The following MAOA variants were observed in gnomAD, a reference collection of about 807,000 sequenced individuals.
MAOA encodes the protein amine oxidase [flavin-containing] A.
A neutral mutation model predicts 42.0 loss-of-function variants in MAOA; 6 were observed. That is an observed-to-expected ratio of 0.14 (90% confidence interval 0.08 to 0.28). The LOEUF (loss-of-function observed/expected upper bound fraction) is 0.28, where lower values mean the gene tolerates loss of function less well. MAOA is among the 10% of genes least tolerant of loss of function. The probability of loss-of-function intolerance (pLI) is 1.00; values close to 1 mark genes in which losing one functional copy is unlikely to be tolerated. For missense variants in MAOA, 262 were observed against 422.3 expected (o/e 0.62, Z 3.33); for synonymous variants, 140 against 154.0 (o/e 0.91, Z 0.67).
chrX:43,671,408 C>T (rs1212179305), intron 1 of MAOA, among the ~76,000 whole-genome samples: 51 of 111,966 alleles, frequency 4.6e-4, no homozygotes, highest in African/African-American at 8.7e-4. Context: ...TTCACTCTGA[C>T]GGTAGTTTCT....
At chrX:43,711,350 T>C (rs890743409) in intron 3 of MAOA, among the ~76,000 whole-genome samples, 2 of 112,160 alleles carry the variant, frequency 1.8e-5, no homozygotes, top group African/African-American at 6.5e-5. Context: ...AATCTGATTC[T>C]TTACATCAGG....
intron 10 of MAOA, among the ~76,000 whole-genome samples, chrX:43,738,675 C>G (rs760728445): frequency 9.0e-6 from 1 of 110,566 alleles, no homozygotes; most frequent in East Asian, 2.9e-4. Context: ...AAAAAATTAG[C>G]CAGGCCTGGT....
intron 3 of MAOA, among the ~76,000 whole-genome samples, chrX:43,699,898 C>A (rs1315347139): frequency 3.6e-5 from 4 of 112,052 alleles, no homozygotes; most frequent in Non-Finnish European, 3.8e-5. Context: ...AATAGAATTT[C>A]TTTTGGATAT....
At chrX:43,688,429 C>T (rs1252722102) in intron 2 of MAOA, among the ~76,000 whole-genome samples, 1 of 111,932 alleles carries the variant, frequency 8.9e-6, no homozygotes, top group East Asian at 2.8e-4. Flanking sequence ...TACAGGCTCA[C>T]GCCACCATGC....
chrX:43,720,914 G>A (rs1219575526), intron 5 of MAOA, among the ~76,000 whole-genome samples: 1 of 110,794 alleles, frequency 9.0e-6, no homozygotes, highest in Non-Finnish European at 1.9e-5. Flanking sequence ...GTGGGGACAT[G>A]TGAAGATAGA....
chrX:43,717,543 G>A (rs1222701087), intron 5 of MAOA, among the ~76,000 whole-genome samples: 1 of 110,512 alleles, frequency 9.0e-6, no homozygotes, highest in African/African-American at 3.3e-5. Context: ...GGTCATGGGG[G>A]AAAATTGAAG....
chrX:43,660,127 G>T (rs998743291), intron 1 of MAOA, among the ~76,000 whole-genome samples: 3 of 111,130 alleles, frequency 2.7e-5, no homozygotes, highest in Admixed American at 9.6e-5. Context: ...CTCTATGTCT[G>T]TGTGTGTACA....
At chrX:43,713,249 C>T (rs769206779) in intron 5 of MAOA, among the ~76,000 whole-genome samples, 14 of 111,426 alleles carry the variant, frequency 1.3e-4, no homozygotes, top group Admixed American at 2.9e-4. Flanking sequence ...AACCAAACAT[C>T]GCATGTTCTC....
chrX:43,699,541 A>C (rs2033606253), intron 3 of MAOA, among the ~76,000 whole-genome samples: 1 of 111,552 alleles, frequency 9.0e-6, no homozygotes, highest in African/African-American at 3.3e-5. Flanking sequence ...TCTAAATAAA[A>C]GTAGAGACTA....
chrX:43,692,017 ACACACACACACACACACACACG>A (rs1364728685), intron 2 of MAOA, among the ~76,000 whole-genome samples: 1 of 56,292 alleles, frequency 1.8e-5, no homozygotes, highest in East Asian at 3.9e-4. Flanking sequence ...ACACACACAC[ACACACACACACACACACACACG>A]CACGCACACA....
chrX:43,658,012 T>A (rs924608711), intron 1 of MAOA: 1 of 593,199 alleles, frequency 1.7e-6, no homozygotes, highest in African/African-American at 2.5e-5. Context: ...TTTATTTATT[T>A]ATGTATTTAT....
intron 3 of MAOA, among the ~76,000 whole-genome samples, chrX:43,704,294 A>C (rs999738137): frequency 3.6e-5 from 4 of 111,875 alleles, no homozygotes; most frequent in African/African-American, 1.3e-4. Context: ...ACCATGACTA[A>C]GTAGGATTTA....
At position 43,744,747 on chromosome X, in the gene MAOA, G is replaced by A. The variant is rs1446212465; in HGVS notation, c.*234G>A. On this transcript the variant is annotated 3_prime_UTR_variant, in exon 15 of 15. Coordinates refer to ENST00000338702, the MANE Select transcript of MAOA (RefSeq NM_000240.4). ...GTAGATCAACTCATGTTAATTGATA[G>A]AATAAAGCCTTGTGATCACTTTCTG... 7.6e-6 allele frequency: 3 copies of A among 394,585 alleles called. No homozygotes were observed. The highest frequency in any genetic ancestry group is 1.3e-5 in the Non-Finnish European group (3 of 229,030). 32.5% of individuals were successfully genotyped at this position (394,585 alleles called of 1,213,427 possible).
rs752851334 is a variant in MAOA, at chrX:43,663,745, T to C, written c.73+7331T>C. Among the ~76,000 whole-genome samples the C allele has an allele frequency of 8.9e-5, 10 of 112,383 alleles. No individual in the cohort carries two copies. In the South Asian group the frequency reaches 1.8e-3, roughly 20 times the overall value. ...ATATATTATAAGATATCACAAGGAA[T>C]GTTATTGCTTTCTGAACATTTAAAT... is the stretch of plus-strand genomic sequence containing the variant. On this transcript the variant is annotated intron_variant, in intron 1 of 14. Transcript: ENST00000338702.
At chrX:43,681,881 T>TA (rs368648935) in intron 1 of MAOA, among the ~76,000 whole-genome samples, 2,519 of 60,598 alleles carry the variant, frequency 0.042, 74 homozygotes, top group African/African-American at 0.15. Flanking sequence ...TATATATATA[T>TA]TTTTTTTTTT....
intron 5 of MAOA, among the ~76,000 whole-genome samples, chrX:43,716,901 G>T (rs753317651): frequency 1.8e-5 from 2 of 110,823 alleles, no homozygotes; most frequent in Admixed American, 9.6e-5. Flanking sequence ...GGGAATGTTG[G>T]CCTGACTGGG....
At chrX:43,714,252 G>A (rs959096537) in intron 5 of MAOA, among the ~76,000 whole-genome samples, 4 of 111,424 alleles carry the variant, frequency 3.6e-5, no homozygotes, top group Non-Finnish European at 7.5e-5. Flanking sequence ...GACTGGAAGG[G>A]TGGATGGCAT....
intron 1 of MAOA, among the ~76,000 whole-genome samples, chrX:43,680,838 G>A (rs1171657255): frequency 3.6e-5 from 4 of 111,217 alleles, no homozygotes; most frequent in African/African-American, 9.8e-5. Flanking sequence ...AGGAAACATA[G>A]GATGAATACT....
rs1198759124 is a variant in MAOA, at chrX:43,746,100, G to A, written c.*1587G>A. On this transcript the variant is annotated 3_prime_UTR_variant, in exon 15 of 15. Coordinates refer to ENST00000338702, the MANE Select transcript of MAOA (RefSeq NM_000240.4). The stretch of plus-strand genomic sequence containing the variant: ...CGCATATTATATCAGACTGCTTTGA[G>A]AAATCTCATCCCTAGTCTATTGCAG... 8.9e-6 allele frequency: 1 copy of A among 111,822 alleles called. No homozygotes were observed. The highest frequency in any genetic ancestry group is 1.9e-5 in the Non-Finnish European group (1 of 53,189). The allele number at this position is 111,822 out of a possible 1,213,427, so 9.2% of individuals were successfully genotyped here. A position where few individuals can be genotyped will look rare whatever the true frequency, so the allele number is the denominator to read the frequency against.
Sources: gnomAD v4.1 joint callset for allele counts (sites outside exome capture counted in the v4.1 genomes callset) on GRCh38, gnomAD v4.1.1 for gene constraint, MANE v1.5 for transcripts, NCBI Gene and HGNC (gene_info 2026-07-23, HGNC 2026-07-21) for gene names.